Variants in MGAM observed in about 807,000 individuals in gnomAD.
MGAM encodes the protein alpha-1,4-glucosidase.
MGAM carries 253 observed loss-of-function variants against 358.8 expected under a neutral mutation model. The ratio of observed to expected loss-of-function variants is 0.71; its 90% CI spans 0.64 to 0.78. The LOEUF (loss-of-function observed/expected upper bound fraction) is 0.78. Ranked by LOEUF, MGAM falls within the 30% of genes least tolerant of loss-of-function variation. The probability of loss-of-function intolerance (pLI) is 0.00; values close to 1 mark genes in which losing one functional copy is unlikely to be tolerated. For synonymous variants in MGAM, 1,105 were observed against 1,227.1 expected (o/e 0.90, Z 2.08); for missense variants, 3,080 against 3,432.6 (o/e 0.90, Z 2.57).
intron 19 of MGAM, 81 bp from the exon 20 acceptor site, chr7:142,040,034 G>A: frequency 9.3e-7 from 1 of 1,072,694 alleles, no homozygotes; most frequent in South Asian, 1.3e-5. Flanking sequence ...CCCTCTCTGT[G>A]TATGATTAAG....
chr7:142,102,858 A>G (rs1367475477), intron 69 of MGAM, among the ~76,000 whole-genome samples, 179 bp downstream of exon 69: 2 of 152,328 alleles, frequency 1.3e-5, no homozygotes, highest in South Asian at 2.1e-4. Context: ...GCTTTCTGCA[A>G]TTAAACCTAT....
intron 1 of MGAM, among the ~76,000 whole-genome samples, chr7:142,005,232 G>A (rs1371201889): frequency 1.3e-5 from 2 of 151,996 alleles, no homozygotes; most frequent in Admixed American, 1.3e-4. Context: ...TATTAGGTAT[G>A]ATAATATTTT....
intron 53 of MGAM, among the ~76,000 whole-genome samples, chr7:142,083,861 G>A (rs1402105837): frequency 7.0e-6 from 1 of 142,858 alleles, no homozygotes; most frequent in Non-Finnish European, 1.6e-5. Flanking sequence ...ACGATGATGG[G>A]GTGGTGATGG....
intron 57 of MGAM, among the ~76,000 whole-genome samples, chr7:142,087,526 G>A (rs1814874320): frequency 6.9e-6 from 1 of 145,982 alleles, no homozygotes; most frequent in Admixed American, 6.9e-5. Context: ...CTTAGTGCGG[G>A]TCCAAGGGCT....
rs769882031 is a variant in MGAM at position 142,054,869 on chromosome 7, T to C, written c.3275T>C (p.Phe1092Ser). 5.0e-6 allele frequency: 8 copies of C among 1,613,750 alleles called. No homozygotes were observed. The highest frequency in any genetic ancestry group is 2.7e-5 in the African/African-American group (2 of 74,890). The change falls in exon 27 of 71, where the codon TTT becomes TCT. Residue 1092 changes from phenylalanine to serine, a missense_variant. Phe to Ser is a radical substitution (Grantham distance 155). Transcript: ENST00000475668. ...GATGTGCTCATTAAGAAGAATCCAT[T>C]TGGGATTGAAATTCGCCGGAAGAGT... ...LYDVLIKKNPFGIEIRRKSTG... is the reference protein window; with the variant it reads ...LYDVLIKKNPSGIEIRRKSTG...
Position 142,040,124 on chromosome 7 carries a change from A to C in MGAM, c.2326A>C (p.Lys776Gln), listed in dbSNP as rs1230766400. ...ITPVLDEGAE[K>Q]VMAYVPDAVW... ...ATTTTTTTAATTTCAGGGTGCAGAG[A>C]AAGTGATGGCATATGTGCCTGATGC... Residue 776 changes from lysine (K) to glutamine (Q), a missense_variant, in exon 20 of 71, where the codon AAA (lysine) becomes CAA (glutamine). Lys to Gln is a moderately conservative substitution (Grantham distance 53). Transcript: ENST00000475668. 6.2e-7 allele frequency: 1 copy of C among 1,612,152 alleles called. No individual in the cohort carries two copies. The highest frequency in any genetic ancestry group is 2.2e-5 in the East Asian group (1 of 44,778).
At chr7:142,045,208 AAC>A (rs1563156775) in intron 21 of MGAM, among the ~76,000 whole-genome samples, 2 of 12,446 alleles carry the variant, frequency 1.6e-4, no homozygotes, top group Non-Finnish European at 2.6e-4. Context: ...TATATTATAT[AAC>A]ATATATGTAT....
In MGAM at chr7:142,062,692, G is replaced by T; in HGVS notation, c.4247G>T (p.Gly1416Val). The T allele has an allele frequency of 6.2e-7, 1 of 1,609,200 alleles. No homozygotes were observed. The highest frequency in any genetic ancestry group is 1.1e-5 in the South Asian group (1 of 89,934). ...QNPERSLKFDGMWIDMNEPSS... is the reference protein window; with the variant it reads ...QNPERSLKFDVMWIDMNEPSS... ...CCAGAGAGGAGCTTGAAGTTTGATGGCATGTGGATTGTAAGTGTGTGTGTG... is the reference window on the plus strand; with the variant it reads ...CCAGAGAGGAGCTTGAAGTTTGATGTCATGTGGATTGTAAGTGTGTGTGTG... The change falls in exon 35 of 71, where the codon GGC becomes GTC. Residue 1416 changes from glycine (G) to valine (V), a missense_variant. Gly to Val is a moderately radical substitution (Grantham distance 109). Around this residue, in one of 5 missense-constraint regions of MGAM, gnomAD observed 1,816 missense variants for 1,840.5 expected, o/e 0.99. Coordinates refer to ENST00000475668, the MANE Select transcript of MGAM (RefSeq NM_001365693.1).
intron 30 of MGAM, among the ~76,000 whole-genome samples, chr7:142,057,419 ATGG>A (rs1334692815): frequency 1.4e-5 from 2 of 147,448 alleles, no homozygotes; most frequent in Non-Finnish European, 3.0e-5. Context: ...GGTGATGATG[ATGG>A]TGGTGTTGGT....
chr7:142,089,374 G>A lies in MGAM; in HGVS notation c.6811-2539G>A, dbSNP rs983150383. The stretch of plus-strand genomic sequence containing the variant: ...CCACAAAATATCTCTCACCTCAAAC[G>A]CCAGTTATACCCCTGATGAGAAACA... On this transcript the variant is annotated intron_variant, in intron 57 of 70. Coordinates refer to ENST00000475668, the MANE Select transcript of MGAM (RefSeq NM_001365693.1). 7.5e-5 allele frequency among the ~76,000 whole-genome samples: 11 copies of A among 146,658 alleles called. 1 individual carries two copies. The highest frequency in any genetic ancestry group is 2.7e-4 in the African/African-American group (11 of 41,182).
intron 30 of MGAM, among the ~76,000 whole-genome samples, 177 bp from the exon 31 acceptor site, chr7:142,058,026 T>C (rs187563868): frequency 4.6e-5 from 7 of 152,282 alleles, no homozygotes; most frequent in African/African-American, 1.4e-4. Flanking sequence ...GGAGCTCAAG[T>C]CTAGCAGAAA....
chr7:142,045,064 A>G lies in MGAM; in HGVS notation c.2499-2721A>G, dbSNP rs185791898. ...ATATATGATATATAATATGTATATT[A>G]TATATACGTGTAATATATGATATAT... On this transcript the variant is annotated intron_variant, in intron 21 of 70. Coordinates refer to ENST00000475668, the MANE Select transcript of MGAM (RefSeq NM_001365693.1). Among the ~76,000 whole-genome samples, 130 of 95,994 alleles carry G rather than the reference A, an allele frequency of 1.4e-3. 11 individuals carry two copies. Among genetic ancestry groups the G allele is most frequent in the East Asian group, 4.6e-3 (17 of 3,736 alleles). 63.0% of individuals were successfully genotyped at this position (95,994 alleles called of 152,430 possible). A position where few individuals can be genotyped will look rare whatever the true frequency, so the allele number is the denominator to read the frequency against.
chr7:142,041,902 ATATTAT>A (rs1563144267), intron 21 of MGAM, among the ~76,000 whole-genome samples: 1 of 43,346 alleles, frequency 2.3e-5, no homozygotes, highest in Non-Finnish European at 3.7e-5. Flanking sequence ...TATAATATAT[ATATTAT>A]ATATATACGT....
At position 142,083,348 on chromosome 7, in the gene MGAM, G is replaced by A; in HGVS notation, c.6316G>A (p.Gly2106Arg). Residue 2106 changes from glycine (G) to arginine (R), a missense_variant, in exon 53 of 71, where the codon GGA (glycine) becomes AGA (arginine). Physicochemically the swap from Gly to Arg is moderately radical, Grantham distance 125 (BLOSUM62 -2). This residue lies in a region of MGAM where 932 missense variants were observed against 1,198.2 expected (regional missense o/e 0.78). Transcript: ENST00000475668. ...LPALTYRTTGGVLDFYVFLGP... is the reference protein window; with the variant it reads ...LPALTYRTTGRVLDFYVFLGP... ...TGCCTTGACATACCGTACCACAGGG[G>A]GAGTTCTGGACTTTTATGTGTTCTT... 2 of 1,554,306 alleles carry A rather than the reference G, an allele frequency of 1.3e-6. No individual in the cohort carries two copies. Among genetic ancestry groups the A allele is most frequent in the Non-Finnish European group, 1.8e-6 (2 of 1,131,650 alleles).
chr7:142,029,187 A>G (rs1277408641), intron 10 of MGAM, among the ~76,000 whole-genome samples: 1 of 152,108 alleles, frequency 6.6e-6, no homozygotes, highest in East Asian at 1.9e-4. Flanking sequence ...CGTCTCTACT[A>G]AAAATACAAC....
intron 41 of MGAM, among the ~76,000 whole-genome samples, 180 bp downstream of exon 41, chr7:142,066,901 TA>T (rs1812815532): frequency 1.4e-5 from 2 of 145,828 alleles, no homozygotes; most frequent in African/African-American, 4.9e-5. Context: ...CCGTAGGTCA[TA>T]AAAAAAGGGT....
intron 21 of MGAM, among the ~76,000 whole-genome samples, chr7:142,041,364 C>G (rs551019708): frequency 1.3e-5 from 2 of 152,056 alleles, no homozygotes; most frequent in African/African-American, 4.8e-5. Flanking sequence ...AGAAACCTGT[C>G]TTTTCTTTTG....
At chr7:142,041,804 A>G (rs771432124) in intron 21 of MGAM, among the ~76,000 whole-genome samples, 2 of 141,230 alleles carry the variant, frequency 1.4e-5, no homozygotes, top group Non-Finnish European at 3.0e-5. Flanking sequence ...GCAGCAAGAA[A>G]TCTTTCCTTA....
At chr7:142,065,857 T>C in intron 40 of MGAM, 26 bp downstream of exon 40, 3 of 1,456,900 alleles carry the variant, frequency 2.1e-6, no homozygotes, top group South Asian at 2.3e-5. Context: ...CTACCTCCAC[T>C]GTTTTATGTC....
Sources: allele counts gnomAD v4.1 joint callset (sites outside exome capture counted in the v4.1 genomes callset), GRCh38; gene constraint gnomAD v4.1.1; regional missense constraint gnomAD v4.1.1; transcripts MANE v1.5; gene names NCBI Gene and HGNC (gene_info 2026-07-23, HGNC 2026-07-21).